Variants in DPP6 observed in about 807,000 individuals in gnomAD.
The protein encoded by DPP6 is A-type potassium channel modulatory protein DPP6.
DPP6 carries 69 observed loss-of-function variants against 122.6 expected under a neutral mutation model. The ratio of observed to expected loss-of-function variants is 0.56; its 90% CI spans 0.46 to 0.69. The LOEUF is 0.69. Among genes scored for constraint, DPP6 ranks in the 30% least tolerant of loss-of-function variants. The probability of loss-of-function intolerance (pLI) is 0.00; values close to 1 mark genes in which losing one functional copy is unlikely to be tolerated. For missense variants in DPP6, 928 were observed against 1,116.9 expected, an observed-to-expected ratio of 0.83 and a Z score of 2.41; for synonymous variants, 418 against 433.1, an observed-to-expected ratio of 0.97 and a Z score of 0.43.
intron 8 of DPP6, among the ~76,000 whole-genome samples, chr7:154,744,461 G>GC (rs1842949697): frequency 6.6e-6 from 1 of 152,218 alleles, no homozygotes; most frequent in East Asian, 1.9e-4. Flanking sequence ...TCCTCCCTGG[G>GC]CCCCCCACGG....
At position 154,637,025 on chromosome 7, in the gene DPP6, G is replaced by C. The variant is rs1037224311; in HGVS notation, c.628-796G>C. Among the ~76,000 whole-genome samples, 22 of 152,256 alleles carry C rather than the reference G, an allele frequency of 1.4e-4. No homozygotes were observed. The South Asian group carries it at 2.3e-3, about 16-fold the overall frequency. On this transcript the variant is annotated intron_variant, in intron 5 of 25. Coordinates refer to ENST00000377770, the MANE Select transcript of DPP6 (RefSeq NM_130797.4). ...AGTAACCCACATATTCCGTATGTTCGACAAGGTCTCTACCCAGGAGGCTGG... is the reference window on the plus strand; with the variant it reads ...AGTAACCCACATATTCCGTATGTTCCACAAGGTCTCTACCCAGGAGGCTGG...
Position 154,336,567 on chromosome 7 carries a change from G to A in DPP6, c.244-109647G>A, listed in dbSNP as rs748291527. Among the ~76,000 whole-genome samples the A allele has an allele frequency of 1.3e-4, 20 of 152,266 alleles. 1 individual carries two copies. Among genetic ancestry groups the A allele is most frequent in the Admixed American group, 2.6e-4 (4 of 15,298 alleles). ...GGATTTGCCAGAGCTGGAACGTAAC[G>A]CCCACTTCACACCTTGGAGTATGAT... On this transcript the variant is annotated intron_variant, in intron 1 of 25. Transcript: ENST00000377770.
the DPP6 span, among the ~76,000 whole-genome samples, chr7:153,865,128 G>GTATTT: frequency 6.6e-6 from 1 of 151,920 alleles, no homozygotes; most frequent in Non-Finnish European, 1.5e-5. Context: ...TGTAGTAAAT[G>GTATTT]TATTTTACAC....
intron 3 of DPP6, among the ~76,000 whole-genome samples, chr7:154,493,177 TAG>T (rs1464709410): frequency 6.6e-6 from 1 of 152,016 alleles, no homozygotes; most frequent in Non-Finnish European, 1.5e-5. Flanking sequence ...ATGTTTGAGC[TAG>T]AGCCAGATCT....
At chr7:154,251,340 A>T (rs998837805) in intron 1 of DPP6, among the ~76,000 whole-genome samples, 9 of 152,190 alleles carry the variant, frequency 5.9e-5, no homozygotes, top group Non-Finnish European at 7.3e-5. Context: ...CAGATATGGG[A>T]GAAACTAGCA....
At chr7:154,839,575 C>G (rs4960622) in intron 16 of DPP6, among the ~76,000 whole-genome samples, 102,280 of 152,140 alleles carry the variant, frequency 0.67, 35,461 homozygotes, top group East Asian at 0.83. Flanking sequence ...TGGACATGAT[C>G]AGCGGGGCGG....
At chr7:153,855,222 AAAACTT>A in the DPP6 span, among the ~76,000 whole-genome samples, 1 of 150,148 alleles carries the variant, frequency 6.7e-6, no homozygotes, top group Non-Finnish European at 1.5e-5. Context: ...CATGTACCCT[AAAACTT>A]AAAGTATAAT....
rs1047226991 is a variant in DPP6 at position 154,606,476 on chromosome 7, G to A, written c.628-31345G>A. Among the ~76,000 whole-genome samples, 3 of 120,174 alleles carry A rather than the reference G, an allele frequency of 2.5e-5. 1 individual carries two copies. In the East Asian group the frequency reaches 1.1e-3, roughly 43 times the overall value. The allele number at this position is 120,174 out of a possible 152,430, so 78.8% of individuals were successfully genotyped here. A position where few individuals can be genotyped will look rare whatever the true frequency, so the allele number is the denominator to read the frequency against. On this transcript the variant is annotated intron_variant, in intron 5 of 25. Transcript: ENST00000377770. ...GTTTTTGTTTTCCTTTTGGTTATTT[G>A]CCTGGAATGTGTTTACCTAACCCTT...
chr7:154,887,777 C>G, intron 23 of DPP6, 43 bp downstream of exon 23: 1 of 1,609,096 alleles, frequency 6.2e-7, no homozygotes, highest in Non-Finnish European at 8.5e-7. Context: ...GACCAGTCAG[C>G]CTCTGCCACA....
intron 2 of DPP6, among the ~76,000 whole-genome samples, chr7:154,467,905 C>A (rs1052284573): frequency 6.6e-6 from 1 of 152,152 alleles, no homozygotes; most frequent in Non-Finnish European, 1.5e-5. Context: ...TTTTGTGTGA[C>A]TGAATACTTA....
intron 5 of DPP6, among the ~76,000 whole-genome samples, chr7:154,621,168 G>C (rs1335412434): frequency 6.6e-6 from 1 of 152,074 alleles, no homozygotes; most frequent in African/African-American, 2.4e-5. Flanking sequence ...TATCTGAGAA[G>C]TCATTTATTT....
At chr7:154,210,898 A>G (rs1451810379) in intron 1 of DPP6, among the ~76,000 whole-genome samples, 3 of 152,144 alleles carry the variant, frequency 2.0e-5, no homozygotes, top group African/African-American at 7.2e-5. Flanking sequence ...AGTGCTAACC[A>G]CTTTATTTAT....
rs1459315965 is a variant in DPP6, at chr7:154,889,360, A to G, written c.2377+16A>G. On this transcript the variant is annotated intron_variant, in intron 24 of 25. Coordinates refer to ENST00000377770, the MANE Select transcript of DPP6 (RefSeq NM_130797.4). Reference sequence around the variant, plus strand: ...ACTGCCGATGGTAAGGACTGAAAACATGAATTCACTGTGTATCTAGTAAGA... The same window carrying G: ...ACTGCCGATGGTAAGGACTGAAAACGTGAATTCACTGTGTATCTAGTAAGA... The G allele has an allele frequency of 1.2e-5, 19 of 1,611,748 alleles. No individual in the cohort carries two copies. The highest frequency in any genetic ancestry group is 1.6e-5 in the Non-Finnish European group (19 of 1,179,436).
chr7:154,378,908 C>G (rs1813352973), intron 1 of DPP6, among the ~76,000 whole-genome samples: 1 of 152,152 alleles, frequency 6.6e-6, no homozygotes, highest in African/African-American at 2.4e-5. Context: ...CTTGTGAAAA[C>G]TCACTCACTA....
intron 1 of DPP6, among the ~76,000 whole-genome samples, chr7:154,022,712 G>A (rs981224456): frequency 1.1e-4 from 17 of 152,166 alleles, no homozygotes; most frequent in South Asian, 4.1e-4. Flanking sequence ...TCATGACTTC[G>A]TATCTCATTG....
chr7:154,782,392 T>G (rs546126161), intron 10 of DPP6, among the ~76,000 whole-genome samples: 1 of 152,222 alleles, frequency 6.6e-6, no homozygotes, highest in African/African-American at 2.4e-5. Flanking sequence ...GCAGATAGAT[T>G]ATTGCGTCTT....
At chr7:154,280,568 AT>A (rs2150949321) in intron 1 of DPP6, among the ~76,000 whole-genome samples, 1 of 151,158 alleles carries the variant, frequency 6.6e-6, no homozygotes, top group East Asian at 2.0e-4. Flanking sequence ...TTAATAAATG[AT>A]GGTCACAAAT....
At chr7:154,803,017 G>C (rs562613988) in intron 13 of DPP6, among the ~76,000 whole-genome samples, 30 of 152,152 alleles carry the variant, frequency 2.0e-4, no homozygotes, top group African/African-American at 7.2e-4. Flanking sequence ...CCCTCGGGGG[G>C]CCCCCAGGGC....
At chr7:154,085,871 G>T (rs968782491) in intron 1 of DPP6, among the ~76,000 whole-genome samples, 3 of 152,112 alleles carry the variant, frequency 2.0e-5, no homozygotes, top group African/African-American at 7.2e-5. Context: ...GGGATAACAG[G>T]CGCTCACCAT....
Sources: allele counts gnomAD v4.1 joint callset (sites outside exome capture counted in the v4.1 genomes callset), GRCh38; gene constraint gnomAD v4.1.1; transcripts MANE v1.5; gene names NCBI Gene and HGNC (gene_info 2026-07-23, HGNC 2026-07-21).